Variants in ANOS1 observed in about 807,000 individuals in gnomAD.
ANOS1 encodes the protein anosmin-1.
Under a neutral mutation model 59.0 loss-of-function variants are expected in ANOS1, and 6 were observed. The ratio of observed to expected loss-of-function variants is 0.10; its 90% CI spans 0.06 to 0.20. ANOS1 has a LOEUF of 0.20. ANOS1 is among the 10% of genes least tolerant of loss of function. ANOS1 has a pLI of 1.00. For synonymous variants in ANOS1, 217 were observed against 223.4 expected (o/e 0.97, Z 0.25); for missense variants, 433 against 542.3 (o/e 0.80, Z 2.00).
chrX:8,730,477 G>T (rs750249958), intron 1 of ANOS1, among the ~76,000 whole-genome samples: 1 of 112,909 alleles, frequency 8.9e-6, no homozygotes, highest in Admixed American at 9.3e-5. Context: ...AGCTTCACCA[G>T]CCGGTTCAAG....
At position 8,568,343 on chromosome X, in the gene ANOS1, G is replaced by C. The variant is rs1930158500; in HGVS notation, c.1096C>G (p.Pro366Ala). 1 of 1,207,586 alleles carries C rather than the reference G, an allele frequency of 8.3e-7. No individual in the cohort carries two copies. The highest frequency in any genetic ancestry group is 2.2e-5 in the Admixed American group (1 of 45,601). The change falls in exon 8 of 14, where the codon CCA becomes GCA. Residue 366 changes from proline to alanine, a missense_variant. Pro to Ala is a conservative substitution (Grantham distance 27). Transcript: ENST00000262648. ...QNSVILEKLQ[P>A]DCDYVVELQA... Reference sequence around the variant, plus strand: ...AATTCCACAACATAGTCACAGTCTGGCTGGAGTTTCTCCAGGATCACAGAA... The same window carrying C: ...AATTCCACAACATAGTCACAGTCTGCCTGGAGTTTCTCCAGGATCACAGAA...
At chrX:8,607,830 T>TAC (rs142116634) in intron 3 of ANOS1, among the ~76,000 whole-genome samples, 2 of 11,096 alleles carry the variant, frequency 1.8e-4, no homozygotes, top group South Asian at 7.6e-3. Flanking sequence ...CCACTATGCT[T>TAC]AGTTTACATG....
At chrX:8,691,110 G>A (rs746439619) in intron 2 of ANOS1, among the ~76,000 whole-genome samples, 2 of 103,352 alleles carry the variant, frequency 1.9e-5, no homozygotes, top group South Asian at 4.5e-4. Context: ...GTCTCAATCT[G>A]TTGCCCAGGC....
At chrX:8,655,053 C>T (rs1389507622) in intron 2 of ANOS1, among the ~76,000 whole-genome samples, 1 of 110,426 alleles carries the variant, frequency 9.1e-6, no homozygotes, top group Non-Finnish European at 1.9e-5. Context: ...TTTTTTTTTC[C>T]ATGGACTGGG....
chrX:8,654,230 C>T (rs1313340938), intron 2 of ANOS1, among the ~76,000 whole-genome samples: 3 of 111,824 alleles, frequency 2.7e-5, no homozygotes, highest in East Asian at 5.6e-4. Flanking sequence ...ATGATTCTGG[C>T]ACAATACTTC....
At chrX:8,730,584 C>A (rs975456979) in intron 1 of ANOS1, among the ~76,000 whole-genome samples, 7 of 93,736 alleles carry the variant, frequency 7.5e-5, no homozygotes, top group African/African-American at 2.5e-4. Flanking sequence ...AGGGGGACCC[C>A]CCCCCCCACC....
Position 8,588,398 on chromosome X carries a change from C to T in ANOS1, c.542-420G>A, listed in dbSNP as rs187477229. Among the ~76,000 whole-genome samples, 3 of 111,447 alleles carry T rather than the reference C, an allele frequency of 2.7e-5. No individual in the cohort carries two copies. The East Asian group carries it at 8.5e-4, about 32-fold the overall frequency. ...TCATTTTCCCATTTTTTATCATGCT[C>T]TGTGTCTATTGATATATCCTAAGGT... is the stretch of plus-strand genomic sequence containing the variant. On this transcript the variant is annotated intron_variant, in intron 4 of 13. Transcript: ENST00000262648.
At chrX:8,612,550 A>AT (rs1931078253) in intron 3 of ANOS1, among the ~76,000 whole-genome samples, 1 of 89,921 alleles carries the variant, frequency 1.1e-5, no homozygotes, top group African/African-American at 5.2e-5. Flanking sequence ...TAAAACAAGA[A>AT]GTTTTTTTTT....
At chrX:8,540,319 T>C (rs1342260243) in intron 9 of ANOS1, among the ~76,000 whole-genome samples, 5 of 111,613 alleles carry the variant, frequency 4.5e-5, no homozygotes, top group Non-Finnish European at 7.5e-5. Flanking sequence ...AAAGAAGTTC[T>C]TTTGTCCAAA....
rs1364055747 is a variant in ANOS1 at position 8,528,962 on chromosome X, A to G, written c.*4033T>C. On this transcript the variant is annotated 3_prime_UTR_variant, in exon 14 of 14. Transcript: ENST00000262648. ...TCACAGAATATCAAGACTATTTACA[A>G]TACTTTTTTGTTTTTTACAAAACAT... 2 of 112,351 alleles carry G rather than the reference A, an allele frequency of 1.8e-5. 1 individual carries two copies. Among genetic ancestry groups the G allele is most frequent in the Middle Eastern group, 8.4e-3 (2 of 237 alleles). 9.3% of individuals were successfully genotyped at this position (112,351 alleles called of 1,213,427 possible).
intron 2 of ANOS1, 22 bp downstream of exon 2, chrX:8,699,676 C>T (rs1932733943): frequency 8.6e-7 from 1 of 1,162,669 alleles, no homozygotes; most frequent in African/African-American, 1.8e-5. Context: ...TTGCACCATT[C>T]ATACAGGTAT....
At chrX:8,581,931 G>A (rs1219226692) in intron 6 of ANOS1, among the ~76,000 whole-genome samples, 2 of 111,902 alleles carry the variant, frequency 1.8e-5, no homozygotes, top group Admixed American at 9.5e-5. Flanking sequence ...TTTAAAGGTA[G>A]AAACAACAAC....
In ANOS1 at chrX:8,567,370, C is replaced by CT. The variant is rs1255791862; in HGVS notation, c.1207+861dup. Among the ~76,000 whole-genome samples, 3 of 111,978 alleles carry CT rather than the reference C, an allele frequency of 2.7e-5. No individual in the cohort carries two copies. In the Admixed American group the frequency reaches 2.8e-4, roughly 11 times the overall value. ...TAGGAAAAACAGGCATGCCACACCA[C>CT]TTTTTGTGCCCCCTATCCACTCGCG... On this transcript the variant is annotated intron_variant, in intron 8 of 13. Transcript: ENST00000262648.
intron 8 of ANOS1, among the ~76,000 whole-genome samples, chrX:8,558,292 G>A (rs926269249): frequency 1.8e-5 from 2 of 110,924 alleles, no homozygotes; most frequent in Non-Finnish European, 3.8e-5. Flanking sequence ...TGCATGTTCT[G>A]CACATGTATC....
chrX:8,648,928 T>G (rs1228973325), intron 2 of ANOS1, among the ~76,000 whole-genome samples: 1 of 111,769 alleles, frequency 8.9e-6, no homozygotes, highest in South Asian at 3.8e-4. Context: ...AAAGAAAAAT[T>G]GAATCCAAGA....
intron 1 of ANOS1, among the ~76,000 whole-genome samples, chrX:8,725,242 G>A (rs775157518): frequency 9.0e-6 from 1 of 110,704 alleles, no homozygotes; most frequent in Non-Finnish European, 1.9e-5. Context: ...GCAATACCAA[G>A]TAATCCATTG....
chrX:8,649,207 T>C (rs1931810565), intron 2 of ANOS1, among the ~76,000 whole-genome samples: 1 of 111,936 alleles, frequency 8.9e-6, no homozygotes. Flanking sequence ...GTCAAATCTA[T>C]TGTCTACATC....
At chrX:8,659,393 AGAGT>A (rs1931989241) in intron 2 of ANOS1, among the ~76,000 whole-genome samples, 1 of 110,205 alleles carries the variant, frequency 9.1e-6, no homozygotes, top group Non-Finnish European at 1.9e-5. Flanking sequence ...CCTGAGCGAC[AGAGT>A]GAGACTCTTT....
chrX:8,553,229 A>G (rs957467239), intron 9 of ANOS1, among the ~76,000 whole-genome samples: 8 of 111,565 alleles, frequency 7.2e-5, no homozygotes, highest in African/African-American at 2.3e-4. Flanking sequence ...AACAAAAAGA[A>G]TTTATGCTAA....
Sources: gnomAD v4.1 joint callset for allele counts (sites outside exome capture counted in the v4.1 genomes callset) on GRCh38, gnomAD v4.1.1 for gene constraint, MANE v1.5 for transcripts, NCBI Gene and HGNC (gene_info 2026-07-23, HGNC 2026-07-21) for gene names.